SETD3: variants seen among roughly 807,000 people sequenced by gnomAD.
The protein encoded by SETD3 is SET domain containing 3, actin N3(tau)-histidine methyltransferase.
A neutral mutation model predicts 63.0 loss-of-function variants in SETD3; 19 were observed. The ratio of observed to expected loss-of-function variants is 0.30; its 90% CI spans 0.21 to 0.44. SETD3 has a LOEUF of 0.44. Ranked by LOEUF, SETD3 falls within the 20% of genes least tolerant of loss-of-function variation. SETD3 has a pLI of 1.00. For missense variants in SETD3, 587 were observed against 728.5 expected (o/e 0.81, Z 2.24); for synonymous variants, 286 against 264.1 (o/e 1.08, Z -0.80).
At chr14:99,429,274 G>A (rs546995496) in intron 6 of SETD3, among the ~76,000 whole-genome samples, 1 of 152,234 alleles carries the variant, frequency 6.6e-6, no homozygotes, top group South Asian at 2.1e-4. Context: ...AAAAAAAGAA[G>A]AGGATTTAAA....
chr14:99,448,046 A>C (rs1258788922), intron 6 of SETD3, among the ~76,000 whole-genome samples: 4 of 152,204 alleles, frequency 2.6e-5, no homozygotes, highest in Admixed American at 2.0e-4. Flanking sequence ...TCTTTGTCCC[A>C]AAATTAAGAC....
upstream of SETD3, chr14:99,481,620 C>A: frequency 2.5e-6 from 1 of 392,706 alleles, no homozygotes; most frequent in South Asian, 1.4e-4. Flanking sequence ...CTCCGGTACA[C>A]ATTGAACTTT....
At chr14:99,419,784 A>C (rs995562415) in intron 6 of SETD3, among the ~76,000 whole-genome samples, 1 of 141,844 alleles carries the variant, frequency 7.1e-6, no homozygotes, top group Non-Finnish European at 1.5e-5. Flanking sequence ...CAAAAAAAAA[A>C]ACAAAAAAAA....
At chr14:99,462,914 T>G (rs1336033226) in intron 3 of SETD3, among the ~76,000 whole-genome samples, 2 of 152,212 alleles carry the variant, frequency 1.3e-5, no homozygotes, top group Non-Finnish European at 2.9e-5. Context: ...CATAATAATC[T>G]TTACTTTTTG....
chr14:99,415,824 GGAGA>G (rs1010482268), intron 6 of SETD3, among the ~76,000 whole-genome samples: 1 of 152,162 alleles, frequency 6.6e-6, no homozygotes, highest in African/African-American at 2.4e-5. Context: ...TGACACTAAC[GGAGA>G]AAGGAAATAA....
chr14:99,429,544 T>C (rs554870853), intron 6 of SETD3, among the ~76,000 whole-genome samples: 2 of 152,362 alleles, frequency 1.3e-5, no homozygotes, highest in South Asian at 2.1e-4. Flanking sequence ...TGTTTCATGA[T>C]TGTCATTAAT....
At chr14:99,485,145 T>C (rs554182943), upstream of SETD3, among the ~76,000 whole-genome samples, 10 of 152,358 alleles carry the variant, frequency 6.6e-5, no homozygotes, top group South Asian at 1.9e-3. Context: ...ATGTCCATAA[T>C]ATTTTCACTA....
intron 6 of SETD3, among the ~76,000 whole-genome samples, chr14:99,451,027 T>C (rs1894429380): frequency 6.6e-6 from 1 of 152,176 alleles, no homozygotes; most frequent in African/African-American, 2.4e-5. Flanking sequence ...ATTAATTTAT[T>C]TTTCATTGGC....
At chr14:99,422,697 C>T (rs967708678) in intron 6 of SETD3, among the ~76,000 whole-genome samples, 3 of 152,222 alleles carry the variant, frequency 2.0e-5, no homozygotes, top group African/African-American at 7.2e-5. Context: ...CCACACATCA[C>T]ATACACTGCC....
intron 2 of SETD3, among the ~76,000 whole-genome samples, chr14:99,464,845 T>G (rs1895277451): frequency 6.6e-6 from 1 of 152,178 alleles, no homozygotes; most frequent in South Asian, 2.1e-4. Flanking sequence ...CTACAGCATG[T>G]AAAAATCAGA....
chr14:99,417,066 AC>A (rs1225039752), intron 6 of SETD3, among the ~76,000 whole-genome samples: 1 of 152,248 alleles, frequency 6.6e-6, no homozygotes, highest in Non-Finnish European at 1.5e-5. Context: ...TGAAGAATTT[AC>A]CATATTGCAT....
intron 1 of SETD3, among the ~76,000 whole-genome samples, chr14:99,477,223 G>C (rs2139825247): frequency 6.6e-6 from 1 of 152,178 alleles, no homozygotes; most frequent in African/African-American, 2.4e-5. Flanking sequence ...TTTGGTATTT[G>C]AATTTTATAA....
intron 6 of SETD3, among the ~76,000 whole-genome samples, chr14:99,423,795 C>A (rs753320800): frequency 4.6e-5 from 7 of 152,032 alleles, no homozygotes; most frequent in Non-Finnish European, 8.8e-5. Flanking sequence ...AGTGCACCCA[C>A]CTGTACCTGG....
At chr14:99,414,088 C>T (rs1026204534) in intron 6 of SETD3, among the ~76,000 whole-genome samples, 154 bp from the exon 7 acceptor site, 4 of 152,270 alleles carry the variant, frequency 2.6e-5, no homozygotes, top group Non-Finnish European at 5.9e-5. Flanking sequence ...GGGATCATCG[C>T]GCTGTTATGC....
intron 6 of SETD3, among the ~76,000 whole-genome samples, chr14:99,420,853 C>T (rs749715042): frequency 2.1e-5 from 3 of 144,628 alleles, no homozygotes; most frequent in East Asian, 2.1e-4. Context: ...ACACACCCTT[C>T]GAAGAGGTGA....
chr14:99,480,370 G>C (rs1157906667), intron 1 of SETD3, among the ~76,000 whole-genome samples: 2 of 151,976 alleles, frequency 1.3e-5, no homozygotes, highest in South Asian at 2.1e-4. Context: ...AGCTCGGGGA[G>C]AGCGCTGCCT....
chr14:99,428,751 C>G (rs1455906480), intron 6 of SETD3, among the ~76,000 whole-genome samples: 1 of 152,122 alleles, frequency 6.6e-6, no homozygotes, highest in Non-Finnish European at 1.5e-5. Context: ...CCTGATGTGG[C>G]AAGGAACTGA....
intron 6 of SETD3, among the ~76,000 whole-genome samples, chr14:99,424,241 C>G (rs1222692035): frequency 6.6e-6 from 1 of 152,228 alleles, no homozygotes; most frequent in African/African-American, 2.4e-5. Flanking sequence ...TCCAGGTCAG[C>G]TGACTCCCAA....
chr14:99,422,382 T>C (rs546617968), intron 6 of SETD3, among the ~76,000 whole-genome samples: 2 of 152,238 alleles, frequency 1.3e-5, no homozygotes, highest in Admixed American at 6.5e-5. Flanking sequence ...CAAGTTATTA[T>C]ACTAGCATTA....
Sources: allele counts gnomAD v4.1 joint callset (sites outside exome capture counted in the v4.1 genomes callset), GRCh38; gene constraint gnomAD v4.1.1; transcripts MANE v1.5; gene names NCBI Gene and HGNC (gene_info 2026-07-23, HGNC 2026-07-21).